The following HOOK1 variants were observed in gnomAD, a reference collection of about 807,000 sequenced individuals.
HOOK1 encodes the protein protein Hook homolog 1.
A neutral mutation model predicts 112.8 loss-of-function variants in HOOK1; 60 were observed. The observed-to-expected ratio is 0.53, with a 90% confidence interval of 0.43 to 0.66. HOOK1 has a LOEUF of 0.66. Among genes scored for constraint, HOOK1 ranks in the 30% least tolerant of loss-of-function variants. HOOK1 has a pLI of 0.00. For missense variants in HOOK1, 770 were observed against 856.0 expected (o/e 0.90, Z 1.25); for synonymous variants, 294 against 283.8 (o/e 1.04, Z -0.36).
At chr1:59,848,097 G>A (rs529203420) in intron 10 of HOOK1, among the ~76,000 whole-genome samples, 11 of 151,728 alleles carry the variant, frequency 7.2e-5, no homozygotes, top group Admixed American at 3.3e-4. Flanking sequence ...TTTTTATTTT[G>A]ATGGCTTTAT....
chr1:59,841,365 A>G (rs1392141336), intron 8 of HOOK1, among the ~76,000 whole-genome samples: 1 of 152,142 alleles, frequency 6.6e-6, no homozygotes, highest in Admixed American at 6.6e-5. Context: ...GGAAGTAAAT[A>G]TCTAAAATGA....
At chr1:59,822,448 G>T (rs1012648519) in intron 2 of HOOK1, among the ~76,000 whole-genome samples, 1 of 152,186 alleles carries the variant, frequency 6.6e-6, no homozygotes, top group Non-Finnish European at 1.5e-5. Flanking sequence ...AATGAGGAAT[G>T]AATGAAATTT....
At chr1:59,823,039 G>T (rs886647782) in intron 2 of HOOK1, among the ~76,000 whole-genome samples, 1 of 152,046 alleles carries the variant, frequency 6.6e-6, no homozygotes, top group African/African-American at 2.4e-5. Flanking sequence ...ATGTTTGATT[G>T]GCCGGGTGCG....
chr1:59,865,542 CAT>C (rs1643945603), intron 18 of HOOK1, among the ~76,000 whole-genome samples: 1 of 151,896 alleles, frequency 6.6e-6, no homozygotes, highest in South Asian at 2.1e-4. Context: ...AACTTTAAAA[CAT>C]TGTGTAGAAA....
chr1:59,833,619 T>C, intron 5 of HOOK1, 82 bp downstream of exon 5: 1 of 1,164,954 alleles, frequency 8.6e-7, no homozygotes. Flanking sequence ...TAAATCATAC[T>C]ATTAAAGCTT....
chr1:59,862,397 T>C (rs1559061243), intron 15 of HOOK1, among the ~76,000 whole-genome samples: 1 of 152,146 alleles, frequency 6.6e-6, no homozygotes, highest in Non-Finnish European at 1.5e-5. Flanking sequence ...GTGACCTTCC[T>C]CTTCCAATAC....
rs369848590 is a variant in HOOK1, at chr1:59,862,769, C to T, written c.1533-15C>T. The T allele has an allele frequency of 1.3e-6, 2 of 1,519,802 alleles. No homozygotes were observed. Among genetic ancestry groups the T allele is most frequent in the African/African-American group, 1.4e-5 (1 of 73,010 alleles). The allele number at this position is 1,519,802 out of a possible 1,614,324, so 94.1% of individuals were successfully genotyped here. On this transcript the variant is annotated splice_polypyrimidine_tract_variant and intron_variant, in intron 15 of 21. Transcript: ENST00000371208. ...TTTCAATACAAGTAAATGCTTATGA[C>T]CCATCTTACAATAGGCTGAGCAAAG...
At chr1:59,848,717 C>G (rs1041609376) in intron 11 of HOOK1, among the ~76,000 whole-genome samples, 1 of 151,380 alleles carries the variant, frequency 6.6e-6, no homozygotes, top group Admixed American at 6.6e-5. Context: ...TACCTTTTTA[C>G]TGCCTCCTGA....
intron 2 of HOOK1, among the ~76,000 whole-genome samples, chr1:59,823,476 CCTT>C (rs1363048832): frequency 6.6e-6 from 1 of 152,144 alleles, no homozygotes; most frequent in African/African-American, 2.4e-5. Flanking sequence ...TTATGCCTTG[CCTT>C]CTTCTCATCA....
In HOOK1 at chr1:59,835,365, A is replaced by G; in HGVS notation, c.427A>G (p.Thr143Ala). ...KKQEHIQNIM[T>A]LEESVQHVVM... ...CATAGAACATATTCAAAATATAATG[A>G]CACTGGAAGAGTCTGTTCAACATGT... Residue 143 changes from threonine (T) to alanine (A), a missense_variant, in exon 6 of 22, where the codon ACA (threonine) becomes GCA (alanine). Coordinates refer to ENST00000371208, the MANE Select transcript of HOOK1 (RefSeq NM_015888.6). The G allele has an allele frequency of 1.9e-6, 3 of 1,587,132 alleles. No individual in the cohort carries two copies.
chr1:59,842,478 C>A (rs2098401529), intron 8 of HOOK1, among the ~76,000 whole-genome samples: 1 of 152,016 alleles, frequency 6.6e-6, no homozygotes, highest in Non-Finnish European at 1.5e-5. Flanking sequence ...GACAGTTTCC[C>A]AGACTTTGTA....
chr1:59,832,667 A>G (rs879918456), intron 4 of HOOK1, among the ~76,000 whole-genome samples: 16 of 152,230 alleles, frequency 1.1e-4, no homozygotes, highest in Admixed American at 6.5e-4. Context: ...ACATTAGTCA[A>G]ATAGTTTTGT....
chr1:59,820,415 C>A (rs1465488702), intron 1 of HOOK1, among the ~76,000 whole-genome samples: 1 of 152,154 alleles, frequency 6.6e-6, no homozygotes, highest in Non-Finnish European at 1.5e-5. Context: ...GGAGTCCTGT[C>A]TCTTTAACCC....
At chr1:59,842,196 A>G (rs1160492542) in intron 8 of HOOK1, among the ~76,000 whole-genome samples, 1 of 152,048 alleles carries the variant, frequency 6.6e-6, no homozygotes, top group African/African-American at 2.4e-5. Context: ...CCCTACACTC[A>G]AGCTAGAATG....
At chr1:59,824,477 A>T (rs929577681) in intron 2 of HOOK1, among the ~76,000 whole-genome samples, 3 of 152,216 alleles carry the variant, frequency 2.0e-5, no homozygotes, top group African/African-American at 7.2e-5. Context: ...AAGTGCTGGG[A>T]TTACAGGCGT....
At chr1:59,855,942 TTATATATATATATATATAAATTATTA>T (rs2098410255) in intron 12 of HOOK1, among the ~76,000 whole-genome samples, 1 of 96,524 alleles carries the variant, frequency 1.0e-5, no homozygotes, top group Non-Finnish European at 1.8e-5. Context: ...CCCAGCTAAT[TTATATATATATATATATAAATTATTA>T]TATATATATA....
intron 3 of HOOK1, among the ~76,000 whole-genome samples, chr1:59,831,267 G>A (rs2098393757): frequency 6.6e-6 from 1 of 152,034 alleles, no homozygotes; most frequent in Non-Finnish European, 1.5e-5. Context: ...TATTGTGGGG[G>A]GCAGAACTAA....
chr1:59,854,829 G>A (rs528495760), intron 12 of HOOK1, among the ~76,000 whole-genome samples: 4 of 152,238 alleles, frequency 2.6e-5, no homozygotes, highest in Middle Eastern at 3.4e-3. Flanking sequence ...GTAGATTGAT[G>A]ATCCAAGGTT....
chr1:59,854,399 G>A (rs1405108951), intron 12 of HOOK1, among the ~76,000 whole-genome samples: 1 of 151,636 alleles, frequency 6.6e-6, no homozygotes, highest in African/African-American at 2.4e-5. Context: ...GTGTTTCTTT[G>A]GCTAAATTCA....
Sources: gnomAD v4.1 joint callset for allele counts (sites outside exome capture counted in the v4.1 genomes callset) on GRCh38, gnomAD v4.1.1 for gene constraint, MANE v1.5 for transcripts, NCBI Gene and HGNC (gene_info 2026-07-23, HGNC 2026-07-21) for gene names.